KALRN: variants seen among roughly 807,000 people sequenced by gnomAD.
The protein encoded by KALRN is kalirin RhoGEF kinase.
Under a neutral mutation model 353.7 loss-of-function variants are expected in KALRN, and 70 were observed. The ratio of observed to expected loss-of-function variants is 0.20; its 90% CI spans 0.16 to 0.24. The LOEUF (loss-of-function observed/expected upper bound fraction) is 0.24. Among genes scored for constraint, KALRN ranks in the 10% least tolerant of loss-of-function variants. The pLI, the probability that KALRN is intolerant of heterozygous loss-of-function variation, is 1.00. For missense variants in KALRN, 2,791 were observed against 3,756.7 expected (o/e 0.74, Z 6.72); for synonymous variants, 1,391 against 1,434.8 (o/e 0.97, Z 0.69).
intron 1 of KALRN, among the ~76,000 whole-genome samples, chr3:124,071,788 G>A (rs558710736): frequency 6.6e-6 from 1 of 152,192 alleles, no homozygotes; most frequent in Non-Finnish European, 1.5e-5. Flanking sequence ...CTAAATTTTG[G>A]AGGGGATACA....
chr3:124,584,989 G>A, intron 34 of KALRN: 1 of 1,470,198 alleles, frequency 6.8e-7, no homozygotes, highest in Middle Eastern at 1.8e-4. Flanking sequence ...AGGGAGGGAA[G>A]GGTTGGGGAG....
intron 14 of KALRN, among the ~76,000 whole-genome samples, chr3:124,418,319 C>G (rs987188585): frequency 6.6e-6 from 1 of 152,074 alleles, no homozygotes; most frequent in African/African-American, 2.4e-5. Flanking sequence ...TGTCTGGGCT[C>G]CATCCCTCAG....
At chr3:124,258,502 C>T (rs1328544559) in intron 3 of KALRN, among the ~76,000 whole-genome samples, 1 of 152,180 alleles carries the variant, frequency 6.6e-6, no homozygotes, top group Non-Finnish European at 1.5e-5. Flanking sequence ...CTACTTCCTT[C>T]TCCCACCTCT....
intron 7 of KALRN, 103 bp downstream of exon 7, chr3:124,326,274 C>T: frequency 1.1e-6 from 1 of 902,130 alleles, no homozygotes; most frequent in Non-Finnish European, 1.6e-6. Context: ...GGGAGCTCCA[C>T]CTGTCTTTTT....
intron 1 of KALRN, among the ~76,000 whole-genome samples, chr3:124,067,118 T>A (rs1350198227): frequency 6.6e-6 from 1 of 152,084 alleles, no homozygotes; most frequent in African/African-American, 2.4e-5. Context: ...AGAAAACAGT[T>A]CCCAGGAGGC....
chr3:124,507,417 G>T (rs544614498), intron 33 of KALRN, among the ~76,000 whole-genome samples: 1 of 152,304 alleles, frequency 6.6e-6, no homozygotes, highest in South Asian at 2.1e-4. Context: ...GAAATTTGCT[G>T]TTATTTGGAG....
chr3:124,105,808 T>G (rs1188045846), intron 1 of KALRN, among the ~76,000 whole-genome samples: 3 of 152,168 alleles, frequency 2.0e-5, no homozygotes, highest in East Asian at 3.9e-4. Flanking sequence ...TGGTGGTTGG[T>G]GGGACATTAG....
chr3:124,277,292 T>C (rs1277383764), intron 5 of KALRN, among the ~76,000 whole-genome samples: 1 of 152,156 alleles, frequency 6.6e-6, no homozygotes, highest in Non-Finnish European at 1.5e-5. Context: ...ATTTCCTGCT[T>C]TTTTTGGAGA....
At chr3:124,240,401 A>G (rs1453915570) in intron 3 of KALRN, among the ~76,000 whole-genome samples, 1 of 152,188 alleles carries the variant, frequency 6.6e-6, no homozygotes, top group East Asian at 1.9e-4. Context: ...GTGGGCAGAG[A>G]ACAGAGAAAC....
chr3:124,037,081 C>CTGATA (rs1175033711), intron 1 of KALRN, among the ~76,000 whole-genome samples: 2 of 152,196 alleles, frequency 1.3e-5, no homozygotes, highest in African/African-American at 4.8e-5. Flanking sequence ...GTTATGGGAA[C>CTGATA]TGATAACTGG....
chr3:124,339,645 A>T (rs2081483518), intron 9 of KALRN, among the ~76,000 whole-genome samples: 1 of 152,154 alleles, frequency 6.6e-6, no homozygotes, highest in Non-Finnish European at 1.5e-5. Context: ...GACTCTCCTG[A>T]GTGCTCTTCA....
Position 124,153,723 on chromosome 3 carries a change from C to T in KALRN, c.74-74267C>T, listed in dbSNP as rs1424654059. Among the ~76,000 whole-genome samples the T allele has an allele frequency of 2.6e-5, 4 of 151,786 alleles. No individual in the cohort carries two copies. In the East Asian group the frequency reaches 7.8e-4, roughly 29 times the overall value. Reference sequence around the variant, plus strand: ...CTTCAACAATGGTTGAACTAGTTTACAGTCCCACCAACAGTGTAAAAGTGT... The same window carrying T: ...CTTCAACAATGGTTGAACTAGTTTATAGTCCCACCAACAGTGTAAAAGTGT... On this transcript the variant is annotated intron_variant, in intron 1 of 59. Coordinates refer to ENST00000682506, the MANE Select transcript of KALRN (RefSeq NM_001388419.1).
At chr3:124,671,979 C>T (rs772512340) in intron 48 of KALRN, 81 bp downstream of exon 48, 29 of 1,075,874 alleles carry the variant, frequency 2.7e-5, no homozygotes, top group African/African-American at 9.4e-5. Flanking sequence ...GAAGGAGTCT[C>T]GGTCTGTCAT....
chr3:124,039,384 A>G (rs979942655), intron 1 of KALRN, among the ~76,000 whole-genome samples: 1 of 152,188 alleles, frequency 6.6e-6, no homozygotes, highest in Non-Finnish European at 1.5e-5. Flanking sequence ...CCATACATGA[A>G]GGCTTGTCTC....
intron 1 of KALRN, among the ~76,000 whole-genome samples, chr3:124,046,586 G>T (rs1254047665): frequency 6.6e-6 from 1 of 152,172 alleles, no homozygotes; most frequent in Non-Finnish European, 1.5e-5. Context: ...GGTATGTCTG[G>T]TTCTGACTCT....
intron 1 of KALRN, among the ~76,000 whole-genome samples, chr3:124,112,093 A>G (rs1419846239): frequency 6.6e-6 from 1 of 152,126 alleles, no homozygotes; most frequent in African/African-American, 2.4e-5. Flanking sequence ...ATTTGAGGTC[A>G]GGATTTCGAG....
At position 124,159,419 on chromosome 3, in the gene KALRN, T is replaced by C. The variant is rs145661817; in HGVS notation, c.74-68571T>C. Among the ~76,000 whole-genome samples, 415 of 152,180 alleles carry C rather than the reference T, an allele frequency of 2.7e-3. 1 individual carries two copies. The highest frequency in any genetic ancestry group is 9.3e-3 in the African/African-American group (387 of 41,538). ...CCAAGTAGCTGGGACTATAAGCATG[T>C]GCCACCACGCCTGACCCATTTTTTG... On this transcript the variant is annotated intron_variant, in intron 1 of 59. Coordinates refer to ENST00000682506, the MANE Select transcript of KALRN (RefSeq NM_001388419.1).
chr3:124,048,355 T>A (rs889170057), intron 1 of KALRN, among the ~76,000 whole-genome samples: 1 of 152,226 alleles, frequency 6.6e-6, no homozygotes, highest in African/African-American at 2.4e-5. Context: ...TGCATATACA[T>A]CTTTATACAA....
At chr3:124,262,636 G>A (rs1226696592) in intron 3 of KALRN, among the ~76,000 whole-genome samples, 6 of 152,190 alleles carry the variant, frequency 3.9e-5, no homozygotes, top group African/African-American at 1.4e-4. Flanking sequence ...CTATGTACCA[G>A]GGAGGCCTAA....
Sources: allele counts gnomAD v4.1 joint callset (sites outside exome capture counted in the v4.1 genomes callset), GRCh38; gene constraint gnomAD v4.1.1; transcripts MANE v1.5; gene names NCBI Gene and HGNC (gene_info 2026-07-23, HGNC 2026-07-21).